The following C8orf34 variants were observed in gnomAD, a reference collection of about 807,000 sequenced individuals.
C8orf34 encodes the protein chromosome 8 open reading frame 34.
In C8orf34, 65 loss-of-function variants were observed where a neutral mutation model predicts 68.3. The ratio of observed to expected loss-of-function variants is 0.95; its 90% CI spans 0.78 to 1.17. The LOEUF is 1.17. Ranked by LOEUF, C8orf34 falls within the 50% of genes most tolerant of loss-of-function variation. The pLI is 0.00. For missense variants in C8orf34, 664 were observed against 655.4 expected (o/e 1.01, Z -0.14); for synonymous variants, 244 against 241.2 (o/e 1.01, Z -0.11).
chr8:68,424,997 A>G (rs1278555880), intron 1 of C8orf34, among the ~76,000 whole-genome samples: 1 of 152,208 alleles, frequency 6.6e-6, no homozygotes, highest in Non-Finnish European at 1.5e-5. Flanking sequence ...ATCATTTAAT[A>G]TAATTCAACA....
At chr8:68,771,816 CT>C (rs1823346696) in intron 10 of C8orf34, among the ~76,000 whole-genome samples, 1 of 152,116 alleles carries the variant, frequency 6.6e-6, no homozygotes, top group African/African-American at 2.4e-5. Context: ...TTTCCTCTGA[CT>C]TTTTCCCATA....
At chr8:68,712,627 T>C (rs1045655570) in intron 9 of C8orf34, among the ~76,000 whole-genome samples, 2 of 152,036 alleles carry the variant, frequency 1.3e-5, no homozygotes, top group Non-Finnish European at 2.9e-5. Context: ...AAGGATTAGT[T>C]CAATAGGAAA....
chr8:68,746,859 A>C (rs1057132960), intron 10 of C8orf34, among the ~76,000 whole-genome samples: 5 of 152,054 alleles, frequency 3.3e-5, no homozygotes, highest in Non-Finnish European at 5.9e-5. Context: ...ACAGAAAAAG[A>C]GGGAATCCTC....
At chr8:68,418,162 T>G (rs1204274259) in intron 1 of C8orf34, among the ~76,000 whole-genome samples, 1 of 146,480 alleles carries the variant, frequency 6.8e-6, no homozygotes, top group South Asian at 2.2e-4. Flanking sequence ...GAGACTTTGC[T>G]GAAGTTGCTT....
intron 3 of C8orf34, among the ~76,000 whole-genome samples, chr8:68,462,830 A>G (rs911159376): frequency 3.3e-5 from 5 of 152,230 alleles, no homozygotes; most frequent in South Asian, 2.1e-4. Flanking sequence ...ATGCCCACAA[A>G]AGAAAGCAGG....
At position 68,469,089 on chromosome 8, in the gene C8orf34, T is replaced by A. The variant is rs1812271387; in HGVS notation, c.736+269T>A. Among the ~76,000 whole-genome samples the A allele has an allele frequency of 2.0e-5, 3 of 152,050 alleles. No individual in the cohort carries two copies. In the South Asian group the frequency reaches 6.2e-4, roughly 31 times the overall value. On this transcript the variant is annotated intron_variant, in intron 4 of 13. Transcript: ENST00000518698. ...TGTACATGGTTTCTGTTATCCAGTT[T>A]AAATATGTGCCTAATAGTAGCTTCT...
chr8:68,600,151 C>T (rs568728521), intron 7 of C8orf34, among the ~76,000 whole-genome samples: 32 of 152,148 alleles, frequency 2.1e-4, no homozygotes, highest in African/African-American at 6.3e-4. Context: ...GACTTCTCAG[C>T]GGTTGCTCTA....
chr8:68,381,176 C>A (rs1332472431), intron 1 of C8orf34, among the ~76,000 whole-genome samples: 1 of 152,132 alleles, frequency 6.6e-6, no homozygotes, highest in Non-Finnish European at 1.5e-5. Context: ...TTATCTGAAG[C>A]AGGAAGACTA....
intron 11 of C8orf34, among the ~76,000 whole-genome samples, chr8:68,782,429 G>A (rs930329054): frequency 1.8e-5 from 2 of 110,464 alleles, no homozygotes; most frequent in African/African-American, 9.7e-5. Flanking sequence ...AAGATTGAGT[G>A]TCTTTTTTTT....
At chr8:68,406,977 G>C (rs1809224765) in intron 1 of C8orf34, among the ~76,000 whole-genome samples, 1 of 152,176 alleles carries the variant, frequency 6.6e-6, no homozygotes, top group African/African-American at 2.4e-5. Flanking sequence ...GCCAGGAGCT[G>C]TCTCAGAAGC....
intron 12 of C8orf34, among the ~76,000 whole-genome samples, chr8:68,806,568 G>A (rs946570857): frequency 2.0e-5 from 3 of 151,908 alleles, no homozygotes; most frequent in Non-Finnish European, 2.9e-5. Flanking sequence ...AGATTATTAC[G>A]TCTTCAAATG....
At chr8:68,589,076 C>T (rs762625434) in intron 7 of C8orf34, among the ~76,000 whole-genome samples, 5 of 152,142 alleles carry the variant, frequency 3.3e-5, no homozygotes, top group Admixed American at 2.0e-4. Context: ...ATTCCCAAGG[C>T]TATGAACAGC....
At chr8:68,538,159 C>A (rs989429295) in intron 7 of C8orf34, among the ~76,000 whole-genome samples, 2 of 152,118 alleles carry the variant, frequency 1.3e-5, no homozygotes, top group African/African-American at 4.8e-5. Context: ...ATAAGTTCCA[C>A]GTTTTTTGAC....
At chr8:68,351,489 T>G (rs1028415552) in intron 1 of C8orf34, among the ~76,000 whole-genome samples, 6 of 152,096 alleles carry the variant, frequency 3.9e-5, no homozygotes, top group African/African-American at 7.2e-5. Flanking sequence ...ATTTCCTGAA[T>G]TTGACTACTG....
intron 8 of C8orf34, among the ~76,000 whole-genome samples, chr8:68,664,734 G>C (rs1819786731): frequency 6.6e-6 from 1 of 152,108 alleles, no homozygotes; most frequent in Admixed American, 6.6e-5. Flanking sequence ...CATCCACAGA[G>C]AGAACACCAG....
chr8:68,429,314 A>T (rs1810357672), intron 1 of C8orf34, among the ~76,000 whole-genome samples: 1 of 152,208 alleles, frequency 6.6e-6, no homozygotes, highest in Non-Finnish European at 1.5e-5. Flanking sequence ...GCTAAATTCC[A>T]TTGGTAATCA....
In C8orf34 at chr8:68,458,947, C is replaced by T. The variant is rs555811793; in HGVS notation, c.608-9745C>T. Reference sequence around the variant, plus strand: ...ATTTATTTTGACAATGTAAAATATACAGACCTGTAGAAAGAGAAATAGTCT... The same window carrying T: ...ATTTATTTTGACAATGTAAAATATATAGACCTGTAGAAAGAGAAATAGTCT... On this transcript the variant is annotated intron_variant, in intron 3 of 13. Coordinates refer to ENST00000518698, the MANE Select transcript of C8orf34 (RefSeq NM_052958.4). 9.2e-5 allele frequency among the ~76,000 whole-genome samples: 14 copies of T among 152,258 alleles called. No homozygotes were observed. The South Asian group carries it at 2.9e-3, about 32-fold the overall frequency.
At chr8:68,425,872 C>T (rs991118009) in intron 1 of C8orf34, among the ~76,000 whole-genome samples, 5 of 152,016 alleles carry the variant, frequency 3.3e-5, no homozygotes, top group Non-Finnish European at 5.9e-5. Context: ...TATACATACC[C>T]GATATGTGAA....
chr8:68,640,433 A>C lies in C8orf34; in HGVS notation c.1163A>C (p.Lys388Thr). 9 of 1,613,882 alleles carry C rather than the reference A, an allele frequency of 5.6e-6. No homozygotes were observed. The highest frequency in any genetic ancestry group is 7.6e-6 in the Non-Finnish European group (9 of 1,179,890). Residue 388 changes from lysine to threonine, a missense_variant, in exon 8 of 14, where the codon AAA becomes ACA. By Grantham distance (78) the Lys-to-Thr change is moderately conservative (BLOSUM62 -1). Coordinates refer to ENST00000518698, the MANE Select transcript of C8orf34 (RefSeq NM_052958.4). ...ACAACCCTGGTACCTTCTGGGAGCA[A>C]ATTTAACCAAGGCCGTCCTACTTAC... ...GVTTLVPSGS[K>T]FNQGRPTYPA...
Sources: allele counts gnomAD v4.1 joint callset (sites outside exome capture counted in the v4.1 genomes callset), GRCh38; gene constraint gnomAD v4.1.1; transcripts MANE v1.5; gene names NCBI Gene and HGNC (gene_info 2026-07-23, HGNC 2026-07-21).